The following ARL5B variants were observed in gnomAD, a reference collection of about 807,000 sequenced individuals.
The protein encoded by ARL5B is ARF like GTPase 5B.
ARL5B carries 10 observed loss-of-function variants against 26.9 expected under a neutral mutation model. The ratio of observed to expected loss-of-function variants is 0.37; its 90% CI spans 0.23 to 0.63. The LOEUF is 0.63. Ranked by LOEUF, ARL5B falls within the 30% of genes least tolerant of loss-of-function variation. The pLI is 0.62. For missense variants in ARL5B, 167 were observed against 213.9 expected (o/e 0.78, Z 1.37); for synonymous variants, 87 against 70.4 (o/e 1.24, Z -1.18).
Position 18,666,628 on chromosome 10 carries a change from T to C in ARL5B, c.100T>C (p.Tyr34His). 6.2e-7 allele frequency: 1 copy of C among 1,607,052 alleles called. No individual in the cohort carries two copies. Among genetic ancestry groups the C allele is most frequent in the Non-Finnish European group, 8.5e-7 (1 of 1,176,078 alleles). ...LDNAGKTTIL[Y>H]QFLMNEVVHT... is the part of the protein sequence containing the mutation. ...TAATGCAGGGAAAACCACCATTCTT[T>C]ACCAATTGTAAGTATGGGTGTTTAT... Residue 34 changes from tyrosine (Y) to histidine (H), a missense_variant, in exon 2 of 6, where the codon TAC becomes CAC. Transcript: ENST00000377275.
chr10:18,677,769 A>G lies in ARL5B; in HGVS notation c.*2553A>G, dbSNP rs1295275804. ...ATATTATACCTGTTCTTTAGAAGTCATGTTAGCAGCTAATTATTTCAGTGA... is the reference window on the plus strand; with the variant it reads ...ATATTATACCTGTTCTTTAGAAGTCGTGTTAGCAGCTAATTATTTCAGTGA... On this transcript the variant is annotated 3_prime_UTR_variant, in exon 6 of 6. Coordinates refer to ENST00000377275, the MANE Select transcript of ARL5B (RefSeq NM_178815.5). 6.6e-6 allele frequency: 1 copy of G among 152,254 alleles called. No homozygotes were observed. The highest frequency in any genetic ancestry group is 6.6e-5 in the Admixed American group (1 of 15,222). 9.4% of individuals were successfully genotyped at this position (152,254 alleles called of 1,614,324 possible). A position where few individuals can be genotyped will look rare whatever the true frequency, so the allele number is the denominator to read the frequency against.
At position 18,659,530 on chromosome 10, in the gene ARL5B, G is replaced by T. The variant is rs1196236380; in HGVS notation, c.-108G>T. Reference sequence around the variant, plus strand: ...CGGCCTAGCAGTGCCCTCGCTGCGCGATCTCAGGCGGGTTCTCCTCGGCTC... The same window carrying T: ...CGGCCTAGCAGTGCCCTCGCTGCGCTATCTCAGGCGGGTTCTCCTCGGCTC... On this transcript the variant is annotated 5_prime_UTR_variant, in exon 1 of 6. Coordinates refer to ENST00000377275, the MANE Select transcript of ARL5B (RefSeq NM_178815.5). 49 of 1,388,908 alleles carry T rather than the reference G, an allele frequency of 3.5e-5. No homozygotes were observed. The highest frequency in any genetic ancestry group is 4.4e-5 in the Non-Finnish European group (46 of 1,052,344). The allele number at this position is 1,388,908 out of a possible 1,614,324, so 86.0% of individuals were successfully genotyped here.
chr10:18,666,415 T>G (rs1323354306), intron 1 of ARL5B, among the ~76,000 whole-genome samples, 160 bp from the exon 2 acceptor site: 1 of 152,248 alleles, frequency 6.6e-6, no homozygotes, highest in Non-Finnish European at 1.5e-5. Context: ...TTAACCTAGG[T>G]AGCCTTAACA....
chr10:18,679,209 A>G lies in ARL5B; in HGVS notation c.*3993A>G, dbSNP rs2059922785. 6.6e-6 allele frequency: 1 copy of G among 151,940 alleles called. No individual in the cohort carries two copies. Among genetic ancestry groups the G allele is most frequent in the Admixed American group, 6.6e-5 (1 of 15,252 alleles). The allele number at this position is 151,940 out of a possible 1,614,324, so 9.4% of individuals were successfully genotyped here. A position where few individuals can be genotyped will look rare whatever the true frequency, so the allele number is the denominator to read the frequency against. ...GAGAAAACAAGCCATATTGCTAAGA[A>G]AAGGATAGTAAGCTGCTTAGAAAGA... On this transcript the variant is annotated 3_prime_UTR_variant, in exon 6 of 6. Transcript: ENST00000377275.
At chr10:18,659,717 C>G (rs760794178) in intron 1 of ARL5B, 34 bp downstream of exon 1, 18 of 1,603,460 alleles carry the variant, frequency 1.1e-5, no homozygotes. Flanking sequence ...CGGCTCGAAT[C>G]CGAGGCAGAG....
At chr10:18,673,549 C>G (rs1055914281) in intron 4 of ARL5B, among the ~76,000 whole-genome samples, 1 of 152,110 alleles carries the variant, frequency 6.6e-6, no homozygotes, top group Non-Finnish European at 1.5e-5. Flanking sequence ...ATCTATTCTT[C>G]TAATGTTTTC....
intron 3 of ARL5B, among the ~76,000 whole-genome samples, chr10:18,668,893 C>T (rs933543045): frequency 6.6e-6 from 1 of 151,888 alleles, no homozygotes; most frequent in Non-Finnish European, 1.5e-5. Context: ...CCTCAGCCTC[C>T]CAAATAGCAG....
At chr10:18,667,116 A>G (rs111711485) in intron 2 of ARL5B, among the ~76,000 whole-genome samples, 2,017 of 152,312 alleles carry the variant, frequency 0.013, 50 homozygotes, top group African/African-American at 0.047. Context: ...AAATCTGTTA[A>G]TACCTTAGGA....
chr10:18,679,655 T>C lies in ARL5B; in HGVS notation c.*4439T>C, dbSNP rs1323144091. The C allele has an allele frequency of 2.0e-5, 3 of 151,748 alleles. No homozygotes were observed. The highest frequency in any genetic ancestry group is 3.0e-5 in the Non-Finnish European group (2 of 67,778). The allele number at this position is 151,748 out of a possible 1,614,324, so 9.4% of individuals were successfully genotyped here. The stretch of plus-strand genomic sequence containing the variant: ...TTTAAATTTAAAGCAGAAAAAAAAA[T>C]TGTGCCCCTCAGACCTAAAGGCAGC... On this transcript the variant is annotated 3_prime_UTR_variant, in exon 6 of 6. Coordinates refer to ENST00000377275, the MANE Select transcript of ARL5B (RefSeq NM_178815.5).
intron 3 of ARL5B, among the ~76,000 whole-genome samples, chr10:18,670,274 A>G (rs2059880953): frequency 6.6e-6 from 1 of 152,190 alleles, no homozygotes; most frequent in Non-Finnish European, 1.5e-5. Context: ...TAGCTTATAC[A>G]TTTATACAGT....
At position 18,659,682 on chromosome 10, in the gene ARL5B, A is replaced by G. The variant is rs749654996; in HGVS notation, c.45A>G (p.Gln15=). 4.3e-6 allele frequency: 7 copies of G among 1,612,760 alleles called. No individual in the cohort carries two copies. In the East Asian group the frequency reaches 6.7e-5, roughly 15 times the overall value. The change falls in exon 1 of 6, where the codon CAA becomes CAG. Residue 15 remains glutamine (Q), a splice_region_variant and synonymous_variant. Transcript: ENST00000377275. ...FAKLWSLFCN[Q]EHKVIIVGLD... is the part of the protein sequence containing the mutation. ...AACTGTGGAGCCTCTTCTGTAACCAAGGTGAGAAGAATGGAGCTGCGCGGC... is the reference window on the plus strand; with the variant it reads ...AACTGTGGAGCCTCTTCTGTAACCAGGGTGAGAAGAATGGAGCTGCGCGGC...
intron 3 of ARL5B, among the ~76,000 whole-genome samples, chr10:18,671,654 TC>T (rs553551337): frequency 3.4e-5 from 5 of 145,846 alleles, no homozygotes; most frequent in Non-Finnish European, 7.5e-5. Context: ...CTCCTCCTCC[TC>T]CCCCTCACCC....
intron 1 of ARL5B, among the ~76,000 whole-genome samples, chr10:18,662,525 A>G (rs2059841594): frequency 6.6e-6 from 1 of 152,148 alleles, no homozygotes; most frequent in Non-Finnish European, 1.5e-5. Flanking sequence ...CTCTGCAAAC[A>G]TTTTATATGT....
rs770578063 is a variant in ARL5B at position 18,677,472 on chromosome 10, A to G, written c.*2256A>G. 6.6e-6 allele frequency: 1 copy of G among 152,240 alleles called. No homozygotes were observed. Among genetic ancestry groups the G allele is most frequent in the Non-Finnish European group, 1.5e-5 (1 of 67,782 alleles). The allele number at this position is 152,240 out of a possible 1,614,324, so 9.4% of individuals were successfully genotyped here. ...GAAGATGAAATTGGCATCAGTGTAG[A>G]CGGTGCTGATTGGGAAAAGTTCATG... On this transcript the variant is annotated 3_prime_UTR_variant, in exon 6 of 6. Coordinates refer to ENST00000377275, the MANE Select transcript of ARL5B (RefSeq NM_178815.5).
At position 18,675,168 on chromosome 10, in the gene ARL5B, G is replaced by A. The variant is rs12359433; in HGVS notation, c.492G>A (p.Gly164=). 0.068 allele frequency: 109,248 copies of A among 1,611,634 alleles called. 4,227 individuals are homozygous for A. Among genetic ancestry groups the A allele is most frequent in the Non-Finnish European group, 0.08 (94,756 of 1,178,078 alleles). ...IQSCCALTGE[G]LCQGLEWMTS... ...AAAAATACTTCTATCTTTTGTTTAG[G>A]TTATGCCAAGGTCTAGAGTGGATGA... The change falls in exon 6 of 6, where the codon GGG becomes GGA. Residue 164 remains glycine, a splice_region_variant and synonymous_variant. Transcript: ENST00000377275.
chr10:18,667,603 G>A (rs1479687525), intron 2 of ARL5B, among the ~76,000 whole-genome samples: 1 of 152,088 alleles, frequency 6.6e-6, no homozygotes. Context: ...GTAGTGACAT[G>A]TTACTGGCAA....
At position 18,673,303 on chromosome 10, in the gene ARL5B, G is replaced by A. The variant is rs188342712; in HGVS notation, c.339+598G>A. On this transcript the variant is annotated intron_variant, in intron 4 of 5. Transcript: ENST00000377275. ...CCTTGAATTCCTGATGTCGTTATCC[G>A]CCTGCCTCAGCCTCCCAAAGTGCTG... 6.2e-4 allele frequency among the ~76,000 whole-genome samples: 94 copies of A among 151,932 alleles called. 1 individual carries two copies. In the East Asian group the frequency reaches 0.015, roughly 25 times the overall value.
At chr10:18,669,994 CA>C (rs1210060603) in intron 3 of ARL5B, among the ~76,000 whole-genome samples, 3,317 of 65,112 alleles carry the variant, frequency 0.051, 88 homozygotes, top group African/African-American at 0.14. Flanking sequence ...ACTCTTATCT[CA>C]AAAAAAAAAA....
At position 18,675,251 on chromosome 10, in the gene ARL5B, T is replaced by C. The variant is rs2059905518; in HGVS notation, c.*35T>C. ...TTGAAAGAGACTGCTCTATTTATTC[T>C]GTGACATGAACATTTTTTCCTAGTA... On this transcript the variant is annotated 3_prime_UTR_variant, in exon 6 of 6. Coordinates refer to ENST00000377275, the MANE Select transcript of ARL5B (RefSeq NM_178815.5). The C allele has an allele frequency of 3.8e-6, 6 of 1,598,920 alleles. No homozygotes were observed. The highest frequency in any genetic ancestry group is 4.5e-5 in the East Asian group (2 of 44,766).
Sources: allele counts gnomAD v4.1 joint callset (sites outside exome capture counted in the v4.1 genomes callset), GRCh38; gene constraint gnomAD v4.1.1; transcripts MANE v1.5; gene names NCBI Gene and HGNC (gene_info 2026-07-23, HGNC 2026-07-21).